The following PCDHA4 variants were observed in gnomAD, a reference collection of about 807,000 sequenced individuals.
PCDHA4 encodes the protein protocadherin alpha-4.
PCDHA4 carries 49 observed loss-of-function variants against 61.4 expected under a neutral mutation model. That is an observed-to-expected ratio of 0.80 (90% CI 0.63 to 1.01). PCDHA4 has a LOEUF of 1.01. Among genes scored for constraint, PCDHA4 ranks in the 50% least tolerant of loss-of-function variants. The pLI is 0.00. For missense variants in PCDHA4, 1,254 were observed against 1,235.8 expected, an observed-to-expected ratio of 1.01 and a Z score of -0.22; for synonymous variants, 590 against 550.3, an observed-to-expected ratio of 1.07 and a Z score of -1.01.
intron 1 of PCDHA4, chr5:140,883,026 A>C (rs1562783010): frequency 6.2e-7 from 1 of 1,614,190 alleles, no homozygotes; most frequent in Non-Finnish European, 8.5e-7. Context: ...ACGGTGTTAG[A>C]GAACGCCTTC....
chr5:141,009,174 G>A (rs1281128951), intron 3 of PCDHA4, among the ~76,000 whole-genome samples: 1 of 152,228 alleles, frequency 6.6e-6, no homozygotes, highest in African/African-American at 2.4e-5. Flanking sequence ...ACTGGCCTTG[G>A]CTGGGTGTGG....
At chr5:140,871,026 G>T in intron 1 of PCDHA4, 2 of 1,613,220 alleles carry the variant, frequency 1.2e-6, no homozygotes, top group Non-Finnish European at 1.7e-6. Context: ...AGGCAGACTC[G>T]CCGCGCCACC....
chr5:140,835,512 C>A (rs147252917), intron 1 of PCDHA4: 5 of 1,613,916 alleles, frequency 3.1e-6, no homozygotes, highest in Middle Eastern at 1.6e-4. Flanking sequence ...CGTGTTTGAC[C>A]GAGATTTTGG....
At chr5:140,836,649 CA>C (rs1774652282) in intron 1 of PCDHA4, 1 of 1,613,348 alleles carries the variant, frequency 6.2e-7, no homozygotes, top group African/African-American at 1.3e-5. Context: ...GCAGAGGCGG[CA>C]GAGGGTGTGC....
At chr5:140,927,430 A>C (rs782761686) in intron 1 of PCDHA4, 4 of 1,614,152 alleles carry the variant, frequency 2.5e-6, no homozygotes, top group Non-Finnish European at 3.4e-6. Flanking sequence ...GGTTGACGGC[A>C]GCGAATACCC....
chr5:140,927,997 C>T (rs139322203), intron 1 of PCDHA4: 298 of 1,614,182 alleles, frequency 1.8e-4, no homozygotes, highest in Admixed American at 5.8e-4. Context: ...GGATGAAGAC[C>T]TCGATTCTAA....
Position 140,823,821 on chromosome 5 carries a change from G to A in PCDHA4, c.2385+14249G>A, listed in dbSNP as rs1386534118. On this transcript the variant is annotated intron_variant, in intron 1 of 3. Transcript: ENST00000530339. ...CGCCGAAGGCCTCATCGCGGGCGTC[G>A]GCGGGCGCTGTGGGTCCCGAGGCTG... 6 of 1,613,682 alleles carry A rather than the reference G, an allele frequency of 3.7e-6. No homozygotes were observed. In the African/African-American group the frequency reaches 4.0e-5, roughly 11 times the overall value.
rs1554135559 is a variant in PCDHA4 at position 140,836,032 on chromosome 5, C to T, written c.2385+26460C>T. 7.4e-6 allele frequency: 12 copies of T among 1,613,412 alleles called. No individual in the cohort carries two copies. The East Asian group carries it at 2.7e-4, about 36-fold the overall frequency. ...GTGCCGCCTCTGGGCAGCAACGTGA[C>T]GCTGCAGGTGTTCGTGCTGGACGAG... On this transcript the variant is annotated intron_variant, in intron 1 of 3. Coordinates refer to ENST00000530339, the MANE Select transcript of PCDHA4 (RefSeq NM_018907.4).
chr5:140,894,571 T>A (rs782019282), intron 1 of PCDHA4, among the ~76,000 whole-genome samples: 5 of 151,906 alleles, frequency 3.3e-5, no homozygotes, highest in Non-Finnish European at 5.9e-5. Context: ...TTATTTTCCT[T>A]TTTTTTAATA....
chr5:140,870,775 A>G (rs782661485), intron 1 of PCDHA4: 3 of 1,613,592 alleles, frequency 1.9e-6, no homozygotes, highest in Non-Finnish European at 1.7e-6. Context: ...GCTGGACGAG[A>G]ACGACAACGC....
Position 140,866,315 on chromosome 5 carries a change from A to C in PCDHA4, c.2385+56743A>C, listed in dbSNP as rs529442584. On this transcript the variant is annotated intron_variant, in intron 1 of 3. Transcript: ENST00000530339. ...GTATAGATGTTGATATTATTATTTC[A>C]GGGACCCTGAACTTGGCCAAAGGAT... The C allele has an allele frequency of 2.6e-5, 4 of 152,278 alleles. No individual in the cohort carries two copies. The East Asian group carries it at 7.7e-4, about 29-fold the overall frequency. 9.4% of individuals were successfully genotyped at this position (152,278 alleles called of 1,614,324 possible).
In PCDHA4 at chr5:141,011,141, A is replaced by T. The variant is rs1039778930; in HGVS notation, c.*1204A>T. ...ACAATTATGTGCACTTTGATACACA[A>T]CCTTCTCTAACCAACTATATATCAA... is the stretch of plus-strand genomic sequence containing the variant. On this transcript the variant is annotated 3_prime_UTR_variant, in exon 4 of 4. Transcript: ENST00000530339. 2.6e-5 allele frequency: 4 copies of T among 153,668 alleles called. No homozygotes were observed. The highest frequency in any genetic ancestry group is 4.4e-5 in the Non-Finnish European group (3 of 68,036). The allele number at this position is 153,668 out of a possible 1,614,324, so 9.5% of individuals were successfully genotyped here. A position where few individuals can be genotyped will look rare whatever the true frequency, so the allele number is the denominator to read the frequency against.
intron 1 of PCDHA4, chr5:140,969,509 C>A: frequency 7.1e-7 from 1 of 1,416,136 alleles, no homozygotes; most frequent in Non-Finnish European, 9.4e-7. Context: ...AAAAATAGCA[C>A]TAAAGAATTG....
chr5:140,946,517 G>A (rs138420578), intron 1 of PCDHA4, among the ~76,000 whole-genome samples: 8 of 151,024 alleles, frequency 5.3e-5, no homozygotes, highest in Admixed American at 1.3e-4. Flanking sequence ...AGACCTATCC[G>A]CACTCCCATG....
chr5:140,874,567 G>A (rs2055003260), intron 1 of PCDHA4, among the ~76,000 whole-genome samples: 1 of 152,180 alleles, frequency 6.6e-6, no homozygotes, highest in African/African-American at 2.4e-5. Flanking sequence ...GCATTTTAGT[G>A]CTCCATTGTT....
Position 140,863,430 on chromosome 5 carries a change from A to G in PCDHA4, c.2385+53858A>G, listed in dbSNP as rs782084592. ...CGCTGGTGTACCGCAGCGTAGTGGG[A>G]TCTGGTCTTACTCGCAGCAAAGGAG... On this transcript the variant is annotated intron_variant, in intron 1 of 3. Coordinates refer to ENST00000530339, the MANE Select transcript of PCDHA4 (RefSeq NM_018907.4). The G allele has an allele frequency of 4.5e-5, 29 of 647,180 alleles. 1 individual carries two copies. In the Admixed American group the frequency reaches 5.6e-4, roughly 13 times the overall value. The allele number at this position is 647,180 out of a possible 1,614,324, so 40.1% of individuals were successfully genotyped here. A position where few individuals can be genotyped will look rare whatever the true frequency, so the allele number is the denominator to read the frequency against.
At chr5:140,853,040 G>C in intron 1 of PCDHA4, 2 of 265,518 alleles carry the variant, frequency 7.5e-6, no homozygotes, top group Non-Finnish European at 1.2e-5. Context: ...CACCATGCCC[G>C]CCTAATTTTT....
At chr5:140,829,088 C>G in intron 1 of PCDHA4, 1 of 1,611,006 alleles carries the variant, frequency 6.2e-7, no homozygotes, top group Admixed American at 1.7e-5. Context: ...CATGGCGGGT[C>G]ATTGCACCGT....
intron 1 of PCDHA4, among the ~76,000 whole-genome samples, chr5:140,975,967 A>C (rs2096692306): frequency 6.6e-6 from 1 of 152,176 alleles, no homozygotes; most frequent in African/African-American, 2.4e-5. Context: ...TCACCAATAG[A>C]AAGTAAGCAT....
Sources: allele counts gnomAD v4.1 joint callset (sites outside exome capture counted in the v4.1 genomes callset), GRCh38; gene constraint gnomAD v4.1.1; transcripts MANE v1.5; gene names NCBI Gene and HGNC (gene_info 2026-07-23, HGNC 2026-07-21).